The following RHOBTB2 variants were observed in gnomAD, a reference collection of about 807,000 sequenced individuals.
RHOBTB2 encodes rho-related BTB domain-containing protein 2.
A neutral mutation model predicts 66.5 loss-of-function variants in RHOBTB2; 39 were observed. The observed-to-expected ratio is 0.59, with a 90% CI of 0.45 to 0.77. The LOEUF (loss-of-function observed/expected upper bound fraction) is 0.77. Among genes scored for constraint, RHOBTB2 ranks in the 30% least tolerant of loss-of-function variants. RHOBTB2 has a pLI of 0.00. For synonymous variants in RHOBTB2, 390 were observed against 395.0 expected, an observed-to-expected ratio of 0.99 and a Z score of 0.15; for missense variants, 755 against 999.1, an observed-to-expected ratio of 0.76 and a Z score of 3.29.
chr8:22,963,907 G>A, the RHOBTB2 span, among the ~76,000 whole-genome samples: 49 of 151,992 alleles, frequency 3.2e-4, 1 homozygote, highest in African/African-American at 1.2e-3. Context: ...TCAGCCTCCC[G>A]AGTAGCTGGG....
chr8:22,954,202 C>A, the RHOBTB2 span, among the ~76,000 whole-genome samples: 13 of 152,146 alleles, frequency 8.5e-5, no homozygotes, highest in Non-Finnish European at 1.6e-4. Context: ...GGAATGGACA[C>A]ATTGATAGAT....
intron 7 of RHOBTB2, among the ~76,000 whole-genome samples, chr8:23,011,648 G>A (rs1288423110): frequency 1.3e-5 from 2 of 152,202 alleles, no homozygotes; most frequent in East Asian, 1.9e-4. Flanking sequence ...AGTGGTGCTC[G>A]TGGGGTGAAG....
intron 8 of RHOBTB2, among the ~76,000 whole-genome samples, chr8:23,015,113 C>T (rs1304133480): frequency 6.6e-6 from 1 of 152,170 alleles, no homozygotes; most frequent in African/African-American, 2.4e-5. Context: ...TGAAATTAAC[C>T]GCCTACTCCC....
At chr8:22,972,237 G>A in the RHOBTB2 span, among the ~76,000 whole-genome samples, 3 of 152,092 alleles carry the variant, frequency 2.0e-5, no homozygotes, top group Non-Finnish European at 4.4e-5. Context: ...CACATGTAGG[G>A]GCTCATGAAA....
the RHOBTB2 span, among the ~76,000 whole-genome samples, chr8:22,971,686 T>G: frequency 6.6e-6 from 1 of 152,204 alleles, no homozygotes; most frequent in South Asian, 2.1e-4. Flanking sequence ...TCCCTTGAAA[T>G]GCTCACCTCC....
the RHOBTB2 span, among the ~76,000 whole-genome samples, chr8:22,966,455 A>G: frequency 6.6e-6 from 1 of 151,992 alleles, no homozygotes; most frequent in Non-Finnish European, 1.5e-5. Flanking sequence ...ACATTTTTCC[A>G]AAGACATACA....
Position 23,006,481 on chromosome 8 carries a change from G to T in RHOBTB2, c.483-247G>T. The T allele has an allele frequency of 1.8e-6, 1 of 566,446 alleles. No homozygotes were observed. Among genetic ancestry groups the T allele is most frequent in the South Asian group, 2.4e-5 (1 of 40,974 alleles). 35.1% of individuals were successfully genotyped at this position (566,446 alleles called of 1,614,324 possible). A position where few individuals can be genotyped will look rare whatever the true frequency, so the allele number is the denominator to read the frequency against. ...GCATTGCCTGCTAATTGCCAGAGAG[G>T]CAGTGCTGTCACGGCTTTGTACTGG... On this transcript the variant is annotated intron_variant, in intron 4 of 9. Coordinates refer to ENST00000251822, the MANE Select transcript of RHOBTB2 (RefSeq NM_015178.3). The surrounding 1 kb of genome is among the most constrained non-coding windows in gnomAD (Gnocchi z 6.1).
chr8:22,955,898 C>T, the RHOBTB2 span, among the ~76,000 whole-genome samples: 96 of 152,222 alleles, frequency 6.3e-4, 1 homozygote, highest in African/African-American at 2.0e-3. Flanking sequence ...GCCCACTCTG[C>T]GCTGGGTATA....
At position 23,008,094 on chromosome 8, in the gene RHOBTB2, G is replaced by A; in HGVS notation, c.1603G>A (p.Glu535Lys). Residue 535 changes from glutamate to lysine, a missense_variant, in exon 6 of 10, where the codon GAG becomes AAG. Glu to Lys is a moderately conservative substitution (Grantham distance 56). This residue lies in a region of RHOBTB2 where 353 missense variants were observed against 458.2 expected (regional missense o/e 0.77). Coordinates refer to ENST00000251822, the MANE Select transcript of RHOBTB2 (RefSeq NM_015178.3). Reference protein sequence around the residue: ...MAAMFGGPFVESSTREVVFPY... With the variant: ...MAAMFGGPFVKSSTREVVFPY... ...TGCCATGTTTGGGGGGCCATTTGTGGAGAGCTCCACCCGGGAGGTAAGGCT... is the reference window on the plus strand; with the variant it reads ...TGCCATGTTTGGGGGGCCATTTGTGAAGAGCTCCACCCGGGAGGTAAGGCT... The A allele has an allele frequency of 6.2e-7, 1 of 1,612,140 alleles. No individual in the cohort carries two copies. The highest frequency in any genetic ancestry group is 8.5e-7 in the Non-Finnish European group (1 of 1,179,246).
Position 23,019,638 on chromosome 8 carries a change from G to C in RHOBTB2, c.*2169G>C, listed in dbSNP as rs1811429702. Reference sequence around the variant, plus strand: ...GAAATAGGTCTCCTAGGTGCCTGAAGCGCTGAGCAACCTGGGTACCCTGGT... The same window carrying C: ...GAAATAGGTCTCCTAGGTGCCTGAACCGCTGAGCAACCTGGGTACCCTGGT... On this transcript the variant is annotated 3_prime_UTR_variant, in exon 10 of 10. Coordinates refer to ENST00000251822, the MANE Select transcript of RHOBTB2 (RefSeq NM_015178.3). The C allele has an allele frequency of 6.5e-6, 1 of 153,018 alleles. No homozygotes were observed. The highest frequency in any genetic ancestry group is 2.4e-5 in the African/African-American group (1 of 41,466). 9.5% of individuals were successfully genotyped at this position (153,018 alleles called of 1,614,324 possible).
rs1238979468 is a variant in RHOBTB2 at position 23,018,278 on chromosome 8, C to T, written c.*809C>T. 3 of 152,612 alleles carry T rather than the reference C, an allele frequency of 2.0e-5. No homozygotes were observed. Among genetic ancestry groups the T allele is most frequent in the African/African-American group, 4.8e-5 (2 of 41,456 alleles). 9.5% of individuals were successfully genotyped at this position (152,612 alleles called of 1,614,324 possible). A position where few individuals can be genotyped will look rare whatever the true frequency, so the allele number is the denominator to read the frequency against. On this transcript the variant is annotated 3_prime_UTR_variant, in exon 10 of 10. Transcript: ENST00000251822. The stretch of plus-strand genomic sequence containing the variant: ...AGTAGGAATGAGTGCACGGCGACCC[C>T]GTGCTCCTCAGGGCCCTCCCCTGCC...
chr8:23,000,151 C>A, intron 1 of RHOBTB2, 46 bp downstream of exon 1: 8 of 984,124 alleles, frequency 8.1e-6, no homozygotes, highest in Non-Finnish European at 9.7e-6. Context: ...GCCAGCAGCC[C>A]TTGCAGACGC....
chr8:22,995,588 C>T (rs928449544), upstream of RHOBTB2, among the ~76,000 whole-genome samples: 2 of 152,250 alleles, frequency 1.3e-5, no homozygotes, highest in Non-Finnish European at 2.9e-5. Context: ...GTCCCAGAAG[C>T]TTCCTGTATC....
chr8:22,961,735 T>C, the RHOBTB2 span, among the ~76,000 whole-genome samples: 1 of 152,114 alleles, frequency 6.6e-6, no homozygotes, highest in Non-Finnish European at 1.5e-5. Flanking sequence ...CATCTATCTC[T>C]TCAGTCTTCC....
chr8:22,994,787 A>T, upstream of RHOBTB2: 1 of 643,532 alleles, frequency 1.6e-6, no homozygotes, highest in Non-Finnish European at 2.7e-6. Flanking sequence ...TTTTTGAGAC[A>T]GAGTCTCACT....
At chr8:23,015,568 GC>G in intron 8 of RHOBTB2, 69 bp from the exon 9 acceptor site, 1 of 1,077,042 alleles carries the variant, frequency 9.3e-7, no homozygotes, top group Non-Finnish European at 1.4e-6. Context: ...TCTGAAGGCA[GC>G]TGGAGGTGTC....
the RHOBTB2 span, among the ~76,000 whole-genome samples, chr8:22,979,861 A>C: frequency 6.8e-6 from 1 of 147,970 alleles, no homozygotes; most frequent in African/African-American, 2.5e-5. Flanking sequence ...GGGTTCAAGC[A>C]ATTCTCCTGC....
intron 1 of RHOBTB2, among the ~76,000 whole-genome samples, chr8:23,003,874 G>A (rs904287599): frequency 2.6e-5 from 4 of 152,206 alleles, no homozygotes; most frequent in Admixed American, 2.0e-4. Flanking sequence ...GCTAGGGCTT[G>A]GAAATCCACC....
At chr8:22,967,628 AG>A in the RHOBTB2 span, among the ~76,000 whole-genome samples, 1 of 130,692 alleles carries the variant, frequency 7.7e-6, no homozygotes, top group Non-Finnish European at 1.7e-5. Flanking sequence ...AAAAAAAAAA[AG>A]GGTAAATACT....
Sources: gnomAD v4.1 joint callset for allele counts (sites outside exome capture counted in the v4.1 genomes callset) on GRCh38, gnomAD v4.1.1 for gene constraint, gnomAD v4.1.1 regional missense constraint, Gnocchi (gnomAD v3.1) non-coding constraint, MANE v1.5 for transcripts, NCBI Gene and HGNC (gene_info 2026-07-23, HGNC 2026-07-21) for gene names.